Variants in HYDIN observed in about 807,000 individuals in gnomAD.
HYDIN encodes HYDIN axonemal central pair apparatus protein.
HYDIN carries 132 observed loss-of-function variants against 403.9 expected under a neutral mutation model. The observed-to-expected ratio is 0.33, with a 90% CI of 0.28 to 0.38. HYDIN has a LOEUF of 0.38. Among genes scored for constraint, HYDIN ranks in the 10% least tolerant of loss-of-function variants. HYDIN has a pLI of 1.00. For synonymous variants in HYDIN, 1,202 were observed against 1,891.7 expected, an observed-to-expected ratio of 0.64 and a Z score of 9.46; for missense variants, 2,827 against 5,009.5, an observed-to-expected ratio of 0.56 and a Z score of 13.15.
chr16:71,187,567 G>C (rs1266444343), intron 1 of HYDIN, among the ~76,000 whole-genome samples: 2 of 151,980 alleles, frequency 1.3e-5, no homozygotes, highest in African/African-American at 4.8e-5. Flanking sequence ...TTGATAGCAG[G>C]CTAGGTTATC....
intron 65 of HYDIN, among the ~76,000 whole-genome samples, chr16:70,871,544 A>G (rs2040102114): frequency 1.3e-5 from 2 of 152,210 alleles, no homozygotes; most frequent in Admixed American, 1.3e-4. Flanking sequence ...GAGGTTAGAA[A>G]ATTCCAGGTA....
chr16:70,925,110 A>G (rs2143827610), intron 45 of HYDIN, among the ~76,000 whole-genome samples: 1 of 152,252 alleles, frequency 6.6e-6, no homozygotes, highest in South Asian at 2.1e-4. Flanking sequence ...GACTGCCAGC[A>G]TCAAACAGTG....
intron 1 of HYDIN, among the ~76,000 whole-genome samples, chr16:71,196,447 T>C (rs2087701763): frequency 6.6e-6 from 1 of 152,188 alleles, no homozygotes; most frequent in African/African-American, 2.4e-5. Context: ...TCAGTGCTCA[T>C]GGTTCTCAGG....
At chr16:70,909,958 C>G (rs549290050) in intron 47 of HYDIN, among the ~76,000 whole-genome samples, 5 of 151,304 alleles carry the variant, frequency 3.3e-5, no homozygotes, top group African/African-American at 4.9e-5. Flanking sequence ...TCCCAAAGTG[C>G]TGGGATTACA....
chr16:71,021,463 C>T (rs554212409), intron 21 of HYDIN, among the ~76,000 whole-genome samples: 13 of 152,098 alleles, frequency 8.5e-5, no homozygotes, highest in Non-Finnish European at 1.8e-4. Context: ...GATCCACCCG[C>T]CTCAGCCTCC....
chr16:70,803,393 C>A lies in HYDIN; in HGVS notation c.*4187G>T, dbSNP rs3897885. Among the ~76,000 whole-genome samples the A allele has an allele frequency of 2.1e-4, 32 of 152,282 alleles. No homozygotes were observed. Among genetic ancestry groups the A allele is most frequent in the African/African-American group, 7.5e-4 (31 of 41,536 alleles). Reference sequence around the variant, plus strand: ...AATAAAGCCCAAAGGCTACCCTTGCCTTCCACCCTTGTTCCTCTTCTCTGA... The same window carrying A: ...AATAAAGCCCAAAGGCTACCCTTGCATTCCACCCTTGTTCCTCTTCTCTGA... On this transcript the variant is annotated 3_prime_UTR_variant, in exon 86 of 86. Transcript: ENST00000393567.
intron 47 of HYDIN, among the ~76,000 whole-genome samples, chr16:70,914,394 G>A (rs1245778188): frequency 2.0e-5 from 3 of 151,672 alleles, no homozygotes; most frequent in East Asian, 3.9e-4. Context: ...CTTCATATAC[G>A]ATGCTTAGTT....
At chr16:70,961,156 G>A (rs1021650090) in intron 38 of HYDIN, among the ~76,000 whole-genome samples, 2 of 152,130 alleles carry the variant, frequency 1.3e-5, no homozygotes, top group African/African-American at 2.4e-5. Context: ...AGCCCTGGAG[G>A]AGCCCAGGCA....
chr16:71,158,689 T>G (rs978935514), intron 6 of HYDIN, among the ~76,000 whole-genome samples: 29 of 150,178 alleles, frequency 1.9e-4, no homozygotes, highest in African/African-American at 4.2e-4. Flanking sequence ...GTTTTTTTTT[T>G]TTTTTTTTTT....
intron 47 of HYDIN, among the ~76,000 whole-genome samples, chr16:70,911,632 C>T (rs1174266974): frequency 3.3e-5 from 5 of 150,506 alleles, no homozygotes; most frequent in African/African-American, 7.3e-5. Flanking sequence ...ATAATTTTTT[C>T]CTAATTCTGT....
At chr16:70,921,878 A>T (rs1163937022) in intron 45 of HYDIN, among the ~76,000 whole-genome samples, 1 of 152,240 alleles carries the variant, frequency 6.6e-6, no homozygotes, top group Non-Finnish European at 1.5e-5. Context: ...CTGAGCATAG[A>T]GAAACCAACT....
chr16:71,053,897 T>A (rs1195355584), intron 18 of HYDIN, among the ~76,000 whole-genome samples: 7 of 152,292 alleles, frequency 4.6e-5, no homozygotes, highest in Non-Finnish European at 7.3e-5. Context: ...ATGTTTCATA[T>A]ACATAGTGTC....
intron 36 of HYDIN, among the ~76,000 whole-genome samples, chr16:70,965,850 C>A (rs1371971816): frequency 6.6e-6 from 1 of 151,994 alleles, no homozygotes; most frequent in Non-Finnish European, 1.5e-5. Flanking sequence ...GGCTATTGCC[C>A]TACCAGATGA....
chr16:70,889,942 G>A (rs1774344), intron 57 of HYDIN, among the ~76,000 whole-genome samples: 4 of 152,222 alleles, frequency 2.6e-5, no homozygotes, highest in African/African-American at 9.7e-5. Flanking sequence ...TAGGGACACC[G>A]AAAATTACTG....
intron 7 of HYDIN, among the ~76,000 whole-genome samples, chr16:71,144,104 G>T (rs1597877236): frequency 6.6e-6 from 1 of 151,936 alleles, no homozygotes; most frequent in East Asian, 1.9e-4. Context: ...ACCTCATCAG[G>T]CATTGAAGAA....
chr16:70,918,711 CGTTAAAT>C (rs961853359), intron 46 of HYDIN, among the ~76,000 whole-genome samples: 1 of 150,260 alleles, frequency 6.7e-6, no homozygotes, highest in African/African-American at 2.5e-5. Flanking sequence ...TTTCTTTTTG[CGTTAAAT>C]GTTCCTTCCT....
intron 53 of HYDIN, among the ~76,000 whole-genome samples, chr16:70,897,639 A>ATT (rs1176517823): frequency 2.1e-5 from 3 of 145,502 alleles, no homozygotes; most frequent in Non-Finnish European, 4.4e-5. Context: ...GGGAGGCTGA[A>ATT]TTTTGAATTG....
chr16:70,828,028 TA>T (rs1402390674), intron 82 of HYDIN, among the ~76,000 whole-genome samples: 2 of 149,878 alleles, frequency 1.3e-5, no homozygotes, highest in Non-Finnish European at 2.9e-5. Flanking sequence ...TAATAATGGC[TA>T]ACATTTATCG....
chr16:71,076,462 T>G (rs2082630467), intron 13 of HYDIN, among the ~76,000 whole-genome samples: 1 of 119,660 alleles, frequency 8.4e-6, no homozygotes, highest in Non-Finnish European at 1.6e-5. Context: ...GGTAAGTGGA[T>G]AGCTAGATGA....
Sources: gnomAD v4.1 joint callset for allele counts (sites outside exome capture counted in the v4.1 genomes callset) on GRCh38, gnomAD v4.1.1 for gene constraint, MANE v1.5 for transcripts, NCBI Gene and HGNC (gene_info 2026-07-23, HGNC 2026-07-21) for gene names.